DNAJB5: variants seen among roughly 807,000 people sequenced by gnomAD.
DNAJB5 encodes the protein dnaJ homolog subfamily B member 5.
In DNAJB5, 12 loss-of-function variants were observed where a neutral mutation model predicts 32.6. The ratio of observed to expected loss-of-function variants is 0.37; its 90% CI spans 0.24 to 0.60. DNAJB5 has a LOEUF of 0.60. Ranked by LOEUF, DNAJB5 falls within the 20% of genes least tolerant of loss-of-function variation. The probability of loss-of-function intolerance (pLI) is 0.71; values close to 1 mark genes in which losing one functional copy is unlikely to be tolerated. For missense variants in DNAJB5, 358 were observed against 554.2 expected, an observed-to-expected ratio of 0.65 and a Z score of 3.55; for synonymous variants, 188 against 212.9, an observed-to-expected ratio of 0.88 and a Z score of 1.02.
Position 34,998,226 on chromosome 9 carries a change from T to G in DNAJB5, c.*967T>G, listed in dbSNP as rs545212242. ...GGCTGTGTGGGGAATTTCCAGCCCT[T>G]TTATGCCTGTGTGATCCCACCCCAC... On this transcript the variant is annotated 3_prime_UTR_variant, in exon 5 of 5. Coordinates refer to ENST00000682809, the MANE Select transcript of DNAJB5 (RefSeq NM_001349723.3). 6.6e-6 allele frequency: 1 copy of G among 152,590 alleles called. No individual in the cohort carries two copies. Among genetic ancestry groups the G allele is most frequent in the East Asian group, 1.9e-4 (1 of 5,166 alleles). 9.5% of individuals were successfully genotyped at this position (152,590 alleles called of 1,614,324 possible).
At chr9:34,991,669 C>CCCT (rs1554662705) in intron 2 of DNAJB5, 5 of 79,516 alleles carry the variant, frequency 6.3e-5, no homozygotes, top group African/African-American at 2.3e-4. Context: ...AAAACGGTTG[C>CCCT]CCCCCCCCCC....
chr9:34,996,767 C>T lies in DNAJB5; in HGVS notation c.930C>T (p.Ile310=). Residue 310 remains isoleucine, a synonymous_variant, in exon 4 of 5, where the codon ATC becomes ATT. Coordinates refer to ENST00000682809, the MANE Select transcript of DNAJB5 (RefSeq NM_001349723.3). This position sits in a 1 kb window ranked among gnomAD's most constrained non-coding sequence, Gnocchi z 7.2. ...PKEGDATPDN[I]PADIVFVLKD... The stretch of plus-strand genomic sequence containing the variant: ...AAGGCGACGCCACACCTGACAACAT[C>T]CCTGCTGACATCGTCTTTGTGCTCA... The T allele has an allele frequency of 6.2e-7, 1 of 1,614,124 alleles. No individual in the cohort carries two copies. The highest frequency in any genetic ancestry group is 8.5e-7 in the Non-Finnish European group (1 of 1,180,024).
In DNAJB5 at chr9:34,996,891, G is replaced by A. The variant is rs200063520; in HGVS notation, c.1029+25G>A. 31 of 1,592,508 alleles carry A rather than the reference G, an allele frequency of 1.9e-5. No individual in the cohort carries two copies. In the East Asian group the frequency reaches 6.9e-4, roughly 36 times the overall value. ...GGTGGGGCCTAGTCAGGCTGTGTGTGTGTGCTGGGGAGATGGTGGGGACAT... is the reference window on the plus strand; with the variant it reads ...GGTGGGGCCTAGTCAGGCTGTGTGTATGTGCTGGGGAGATGGTGGGGACAT... On this transcript the variant is annotated intron_variant, in intron 4 of 4. Transcript: ENST00000682809. This position sits in a 1 kb window ranked among gnomAD's most constrained non-coding sequence, Gnocchi z 7.2.
chr9:34,996,540 C>T lies in DNAJB5; in HGVS notation c.703C>T (p.Arg235Trp), dbSNP rs765056335. Residue 235 changes from arginine to tryptophan, a missense_variant, in exon 4 of 5, where the codon CGG becomes TGG. By Grantham distance (101) the Arg-to-Trp change is moderately radical. Transcript: ENST00000682809. This position sits in a 1 kb window ranked among gnomAD's most constrained non-coding sequence, Gnocchi z 7.2. ...GCGAGCCCCAGAACCACTGTACCCT[C>T]GGCGCAAGGTGCAGGACCCCCCAGT... ...PRRAPEPLYP[R>W]RKVQDPPVVH... The T allele has an allele frequency of 6.2e-6, 10 of 1,614,022 alleles. No homozygotes were observed. In the Admixed American group the frequency reaches 8.3e-5, roughly 13 times the overall value.
chr9:34,990,892 G>C lies in DNAJB5; in HGVS notation c.182+80G>C. The C allele has an allele frequency of 7.0e-7, 1 of 1,418,872 alleles. No individual in the cohort carries two copies. Among genetic ancestry groups the C allele is most frequent in the Non-Finnish European group, 9.4e-7 (1 of 1,058,726 alleles). The allele number at this position is 1,418,872 out of a possible 1,614,324, so 87.9% of individuals were successfully genotyped here. ...CGGCCATCCCCTCCATTGCCTTCCT[G>C]CTTCCTCCAACTCATCCTCATCCCC... is the stretch of plus-strand genomic sequence containing the variant. On this transcript the variant is annotated intron_variant, in intron 2 of 4. Transcript: ENST00000682809. The surrounding 1 kb of genome is among the most constrained non-coding windows in gnomAD (Gnocchi z 4.5).
At chr9:34,995,984 G>A (rs1442365934) in intron 3 of DNAJB5, among the ~76,000 whole-genome samples, 4 of 152,226 alleles carry the variant, frequency 2.6e-5, no homozygotes, top group Non-Finnish European at 5.9e-5. Context: ...TTACAGGACT[G>A]GAAGTCACAT....
Position 34,990,471 on chromosome 9 carries a change from C to A in DNAJB5, c.-132-28C>A. ...GAGAGCAGGTGGCCGCGGGTCTTCT[C>A]CCTTCACTCTCCACATTTGGGGATC... is the stretch of plus-strand genomic sequence containing the variant. On this transcript the variant is annotated intron_variant, in intron 1 of 4. Coordinates refer to ENST00000682809, the MANE Select transcript of DNAJB5 (RefSeq NM_001349723.3). This position sits in a 1 kb window ranked among gnomAD's most constrained non-coding sequence, Gnocchi z 4.5. The A allele has an allele frequency of 6.5e-7, 1 of 1,535,874 alleles. No homozygotes were observed. The highest frequency in any genetic ancestry group is 8.7e-7 in the Non-Finnish European group (1 of 1,146,456).
Position 34,990,102 on chromosome 9 carries a change from C to T in DNAJB5, c.-133+271C>T. The stretch of plus-strand genomic sequence containing the variant: ...TCTGTGGGGCGGAGGCATCTGTGAG[C>T]AGACCAGCCAGCCAGCGCGGGTGAC... On this transcript the variant is annotated intron_variant, in intron 1 of 4. Coordinates refer to ENST00000682809, the MANE Select transcript of DNAJB5 (RefSeq NM_001349723.3). This position sits in a 1 kb window ranked among gnomAD's most constrained non-coding sequence, Gnocchi z 4.5. 1.3e-6 allele frequency: 1 copy of T among 753,184 alleles called. No homozygotes were observed. 46.7% of individuals were successfully genotyped at this position (753,184 alleles called of 1,614,324 possible). A position where few individuals can be genotyped will look rare whatever the true frequency, so the allele number is the denominator to read the frequency against.
Position 34,997,563 on chromosome 9 carries a change from T to C in DNAJB5, c.*304T>C. 2 of 504,512 alleles carry C rather than the reference T, an allele frequency of 4.0e-6. No homozygotes were observed. Among genetic ancestry groups the C allele is most frequent in the South Asian group, 1.9e-5 (1 of 52,578 alleles). The allele number at this position is 504,512 out of a possible 1,614,324, so 31.3% of individuals were successfully genotyped here. ...GACCTGAGTGCTACTTGAAGATATG[T>C]AGAGATTCCTTATCCATGCCTGTAC... On this transcript the variant is annotated 3_prime_UTR_variant, in exon 5 of 5. Transcript: ENST00000682809. This position sits in a 1 kb window ranked among gnomAD's most constrained non-coding sequence, Gnocchi z 4.1.
chr9:34,997,133 G>A lies in DNAJB5; in HGVS notation c.1137G>A (p.Glu379=). ...KPGTVKRLRG[E]GLPFPKVPTQ... ...GCACCGTGAAGAGACTCCGTGGGGA[G>A]GGCCTTCCCTTCCCCAAAGTGCCAA... The change falls in exon 5 of 5, where the codon GAG becomes GAA. Residue 379 remains glutamate (E), a synonymous_variant. Coordinates refer to ENST00000682809, the MANE Select transcript of DNAJB5 (RefSeq NM_001349723.3). The surrounding 1 kb of genome is among the most constrained non-coding windows in gnomAD (Gnocchi z 4.1). 1 of 1,614,190 alleles carries A rather than the reference G, an allele frequency of 6.2e-7. No homozygotes were observed. Among genetic ancestry groups the A allele is most frequent in the Non-Finnish European group, 8.5e-7 (1 of 1,180,052 alleles).
chr9:34,990,450 G>A lies in DNAJB5; in HGVS notation c.-132-49G>A. 6.5e-7 allele frequency: 1 copy of A among 1,534,376 alleles called. No individual in the cohort carries two copies. The highest frequency in any genetic ancestry group is 1.4e-5 in the African/African-American group (1 of 73,144). On this transcript the variant is annotated intron_variant, in intron 1 of 4. Coordinates refer to ENST00000682809, the MANE Select transcript of DNAJB5 (RefSeq NM_001349723.3). The surrounding 1 kb of genome is among the most constrained non-coding windows in gnomAD (Gnocchi z 4.5). Reference sequence around the variant, plus strand: ...CAGCCAGACACTGCTGCACCTGAGAGCAGGTGGCCGCGGGTCTTCTCCCTT... The same window carrying A: ...CAGCCAGACACTGCTGCACCTGAGAACAGGTGGCCGCGGGTCTTCTCCCTT...
Position 34,990,115 on chromosome 9 carries a change from C to A in DNAJB5, c.-133+284C>A. 1 of 789,244 alleles carries A rather than the reference C, an allele frequency of 1.3e-6. No homozygotes were observed. Among genetic ancestry groups the A allele is most frequent in the Non-Finnish European group, 1.9e-6 (1 of 522,032 alleles). 48.9% of individuals were successfully genotyped at this position (789,244 alleles called of 1,614,324 possible). A position where few individuals can be genotyped will look rare whatever the true frequency, so the allele number is the denominator to read the frequency against. ...GGCATCTGTGAGCAGACCAGCCAGC[C>A]AGCGCGGGTGACATCACCGACCACC... On this transcript the variant is annotated intron_variant, in intron 1 of 4. Coordinates refer to ENST00000682809, the MANE Select transcript of DNAJB5 (RefSeq NM_001349723.3). The surrounding 1 kb of genome is among the most constrained non-coding windows in gnomAD (Gnocchi z 4.5).
At chr9:34,994,400 C>A (rs1461680600) in intron 3 of DNAJB5, among the ~76,000 whole-genome samples, 2 of 152,224 alleles carry the variant, frequency 1.3e-5, no homozygotes, top group Non-Finnish European at 2.9e-5. Context: ...CCTCATCCTC[C>A]CAACTCCCTT....
At chr9:34,992,895 A>G in intron 2 of DNAJB5, 1 of 1,226,430 alleles carries the variant, frequency 8.2e-7, no homozygotes. Flanking sequence ...AGGGCCTCTC[A>G]GGGGTCCTCA....
Position 34,990,194 on chromosome 9 carries a change from C to T in DNAJB5, c.-132-305C>T. The T allele has an allele frequency of 8.0e-7, 1 of 1,249,588 alleles. No homozygotes were observed. The highest frequency in any genetic ancestry group is 1.5e-5 in the South Asian group (1 of 65,488). The allele number at this position is 1,249,588 out of a possible 1,614,324, so 77.4% of individuals were successfully genotyped here. On this transcript the variant is annotated intron_variant, in intron 1 of 4. Transcript: ENST00000682809. This position sits in a 1 kb window ranked among gnomAD's most constrained non-coding sequence, Gnocchi z 4.5. Reference sequence around the variant, plus strand: ...CTCCTCGCCGCGCCTTTTGTCCCGGCCGAGCTCCGCTCTGCCCCGCCCATC... The same window carrying T: ...CTCCTCGCCGCGCCTTTTGTCCCGGTCGAGCTCCGCTCTGCCCCGCCCATC...
Position 34,993,776 on chromosome 9 carries a change from T to C in DNAJB5, c.427+332T>C, listed in dbSNP as rs1296926491. ...CTGCTTCATTGGCTGATGAGGAAGG[T>C]TGGGGAGAGGGAGTGTGTGGCTCTC... is the stretch of plus-strand genomic sequence containing the variant. On this transcript the variant is annotated intron_variant, in intron 3 of 4. Transcript: ENST00000682809. This position sits in a 1 kb window ranked among gnomAD's most constrained non-coding sequence, Gnocchi z 4.7. Among the ~76,000 whole-genome samples the C allele has an allele frequency of 6.6e-6, 1 of 152,154 alleles. No individual in the cohort carries two copies. Among genetic ancestry groups the C allele is most frequent in the Non-Finnish European group, 1.5e-5 (1 of 68,018 alleles).
In DNAJB5 at chr9:34,993,592, G is replaced by T; in HGVS notation, c.427+148G>T. 2.8e-6 allele frequency: 3 copies of T among 1,080,188 alleles called. No individual in the cohort carries two copies. Among genetic ancestry groups the T allele is most frequent in the Non-Finnish European group, 3.9e-6 (3 of 771,034 alleles). 66.9% of individuals were successfully genotyped at this position (1,080,188 alleles called of 1,614,324 possible). ...GCACTGTCACCCAGAGAAGAGAGAAGCCCACCCACTACCCAGCTCAGCTCA... is the reference window on the plus strand; with the variant it reads ...GCACTGTCACCCAGAGAAGAGAGAATCCCACCCACTACCCAGCTCAGCTCA... On this transcript the variant is annotated intron_variant, in intron 3 of 4. Coordinates refer to ENST00000682809, the MANE Select transcript of DNAJB5 (RefSeq NM_001349723.3). The surrounding 1 kb of genome is among the most constrained non-coding windows in gnomAD (Gnocchi z 4.7).
At position 34,996,746 on chromosome 9, in the gene DNAJB5, C is replaced by T. The variant is rs778208193; in HGVS notation, c.909C>T (p.Gly303=). The T allele has an allele frequency of 6.2e-6, 10 of 1,613,952 alleles. No individual in the cohort carries two copies. The highest frequency in any genetic ancestry group is 2.7e-5 in the African/African-American group (2 of 74,914). The stretch of plus-strand genomic sequence containing the variant: ...CCAAGATCACCTTCCCCAAAGAAGG[C>T]GACGCCACACCTGACAACATCCCTG... ...EGTKITFPKE[G]DATPDNIPAD... is the part of the protein sequence containing the mutation. The change falls in exon 4 of 5, where the codon GGC becomes GGT. Residue 303 remains glycine (G), a synonymous_variant. Coordinates refer to ENST00000682809, the MANE Select transcript of DNAJB5 (RefSeq NM_001349723.3). The surrounding 1 kb of genome is among the most constrained non-coding windows in gnomAD (Gnocchi z 7.2).
At position 34,990,485 on chromosome 9, in the gene DNAJB5, C is replaced by T. The variant is rs1322438909; in HGVS notation, c.-132-14C>T. 4 of 1,537,034 alleles carry T rather than the reference C, an allele frequency of 2.6e-6. No individual in the cohort carries two copies. The highest frequency in any genetic ancestry group is 1.4e-5 in the African/African-American group (1 of 73,150). ...GCGGGTCTTCTCCCTTCACTCTCCA[C>T]ATTTGGGGATCAGGTCCGGCACCTG... On this transcript the variant is annotated splice_polypyrimidine_tract_variant and intron_variant, in intron 1 of 4. Transcript: ENST00000682809. This position sits in a 1 kb window ranked among gnomAD's most constrained non-coding sequence, Gnocchi z 4.5.
Sources: gnomAD v4.1 joint callset for allele counts (sites outside exome capture counted in the v4.1 genomes callset) on GRCh38, gnomAD v4.1.1 for gene constraint, Gnocchi (gnomAD v3.1) non-coding constraint, MANE v1.5 for transcripts, NCBI Gene and HGNC (gene_info 2026-07-23, HGNC 2026-07-21) for gene names.